Variants in KCNQ3 observed in about 807,000 individuals in gnomAD.
The protein encoded by KCNQ3 is potassium voltage-gated channel subfamily KQT member 3.
KCNQ3 carries 30 observed loss-of-function variants against 92.5 expected under a neutral mutation model. The ratio of observed to expected loss-of-function variants is 0.32; its 90% CI spans 0.24 to 0.44. KCNQ3 has a LOEUF of 0.44. Ranked by LOEUF, KCNQ3 falls within the 20% of genes least tolerant of loss-of-function variation. The probability of loss-of-function intolerance (pLI) is 1.00; values close to 1 mark genes in which losing one functional copy is unlikely to be tolerated. For synonymous variants in KCNQ3, 450 were observed against 468.8 expected (o/e 0.96, Z 0.52); for missense variants, 913 against 1,140.3 (o/e 0.80, Z 2.87).
chr8:132,337,329 T>C (rs371626552), intron 1 of KCNQ3, among the ~76,000 whole-genome samples: 1 of 152,070 alleles, frequency 6.6e-6, no homozygotes, highest in South Asian at 2.1e-4. Flanking sequence ...AAACCCAGTC[T>C]CTATAAAAAT....
chr8:132,336,741 ATCT>A (rs1217184716), intron 1 of KCNQ3, among the ~76,000 whole-genome samples: 1 of 152,226 alleles, frequency 6.6e-6, no homozygotes, highest in Non-Finnish European at 1.5e-5. Flanking sequence ...GGCACCCATC[ATCT>A]TATAATGCCC....
At chr8:132,261,340 C>A (rs1442191736) in intron 1 of KCNQ3, among the ~76,000 whole-genome samples, 1 of 152,170 alleles carries the variant, frequency 6.6e-6, no homozygotes, top group Non-Finnish European at 1.5e-5. Flanking sequence ...GTCAAGGCTG[C>A]GTGCCTCACC....
At chr8:132,203,625 T>C (rs2130268360) in intron 1 of KCNQ3, among the ~76,000 whole-genome samples, 1 of 152,248 alleles carries the variant, frequency 6.6e-6, no homozygotes, top group East Asian at 1.9e-4. Flanking sequence ...AGGGAATGAG[T>C]TTAAATTTTG....
At chr8:132,159,942 C>T (rs1320426620) in intron 9 of KCNQ3, among the ~76,000 whole-genome samples, 1 of 152,248 alleles carries the variant, frequency 6.6e-6, no homozygotes, top group South Asian at 2.1e-4. Context: ...ATGTGTCAGG[C>T]TCTGTTCCAG....
intron 9 of KCNQ3, among the ~76,000 whole-genome samples, chr8:132,157,754 G>C (rs1010391990): frequency 4.6e-5 from 7 of 151,990 alleles, no homozygotes; most frequent in African/African-American, 1.7e-4. Flanking sequence ...GTGGTTTGCT[G>C]TACCTATCAA....
chr8:132,277,617 A>G (rs533415908), intron 1 of KCNQ3, among the ~76,000 whole-genome samples: 8 of 152,308 alleles, frequency 5.3e-5, no homozygotes, highest in Non-Finnish European at 7.3e-5. Context: ...CTACATGTCA[A>G]AAGATATTTT....
intron 1 of KCNQ3, among the ~76,000 whole-genome samples, chr8:132,316,998 A>C (rs1817763312): frequency 6.6e-6 from 1 of 152,228 alleles, no homozygotes; most frequent in Non-Finnish European, 1.5e-5. Flanking sequence ...AGGACAATTT[A>C]CACATCTGTC....
intron 1 of KCNQ3, among the ~76,000 whole-genome samples, chr8:132,398,047 TGGTTTCAGA>T (rs1318322855): frequency 6.6e-6 from 1 of 152,216 alleles, no homozygotes; most frequent in Non-Finnish European, 1.5e-5. Context: ...GGGAAACCAG[TGGTTTCAGA>T]GGCAAACACT....
At chr8:132,422,771 G>C (rs913890454) in intron 1 of KCNQ3, among the ~76,000 whole-genome samples, 1 of 152,130 alleles carries the variant, frequency 6.6e-6, no homozygotes, top group East Asian at 1.9e-4. Context: ...GTCTGCCTCC[G>C]CAACTAGAGA....
chr8:132,317,262 C>A (rs1384516200), intron 1 of KCNQ3, among the ~76,000 whole-genome samples: 1 of 151,340 alleles, frequency 6.6e-6, no homozygotes, highest in East Asian at 1.9e-4. Flanking sequence ...GTGACTCTGA[C>A]CCCATTTGTT....
chr8:132,299,082 G>T (rs1163923918), intron 1 of KCNQ3, among the ~76,000 whole-genome samples: 3 of 148,738 alleles, frequency 2.0e-5, no homozygotes, highest in African/African-American at 7.5e-5. Flanking sequence ...GGCAACCAAG[G>T]TTTTTAGTTT....
chr8:132,307,551 T>C (rs7837201), intron 1 of KCNQ3, among the ~76,000 whole-genome samples: 44,896 of 152,128 alleles, frequency 0.3, 7,693 homozygotes, highest in African/African-American at 0.47. Flanking sequence ...AAAAGAGCCT[T>C]TCTAGATTCA....
chr8:132,171,644 C>T lies in KCNQ3; in HGVS notation c.1140+954G>A, dbSNP rs537778594. Among the ~76,000 whole-genome samples the T allele has an allele frequency of 1.8e-4, 27 of 152,270 alleles. 1 individual carries two copies. In the South Asian group the frequency reaches 4.4e-3, roughly 25 times the overall value. On this transcript the variant is annotated intron_variant, in intron 7 of 14. Transcript: ENST00000388996. ...AATGGGAAAAGTGTTTAATATTTTG[C>T]ACATGTAAGGCATCTCTTTCTCTCT...
At chr8:132,137,799 A>G in intron 12 of KCNQ3, 86 bp downstream of exon 12, 2 of 1,507,018 alleles carry the variant, frequency 1.3e-6, no homozygotes, top group Non-Finnish European at 1.8e-6. Flanking sequence ...TGCATTTTGA[A>G]TTATTTCTGA....
At chr8:132,297,173 G>A (rs1817058763) in intron 1 of KCNQ3, among the ~76,000 whole-genome samples, 1 of 152,112 alleles carries the variant, frequency 6.6e-6, no homozygotes, top group Admixed American at 6.5e-5. Context: ...CTGTTTTTTG[G>A]CTGCATAAAT....
intron 3 of KCNQ3, among the ~76,000 whole-genome samples, chr8:132,182,340 G>A (rs1314095888): frequency 1.3e-5 from 2 of 152,228 alleles, no homozygotes; most frequent in East Asian, 1.9e-4. Context: ...GGCAGGGTCC[G>A]AGGCTGCCTT....
chr8:132,263,017 C>G (rs2896654), intron 1 of KCNQ3, among the ~76,000 whole-genome samples: 12,761 of 152,198 alleles, frequency 0.084, 619 homozygotes, highest in Admixed American at 0.14. Context: ...TCCATGGTTA[C>G]TGGGAGGTAG....
At chr8:132,259,772 A>G (rs1815713344) in intron 1 of KCNQ3, among the ~76,000 whole-genome samples, 1 of 152,182 alleles carries the variant, frequency 6.6e-6, no homozygotes. Flanking sequence ...TCACTAAAAA[A>G]CTATTAGAAC....
chr8:132,409,430 C>A (rs1463228823), intron 1 of KCNQ3, among the ~76,000 whole-genome samples: 1 of 151,916 alleles, frequency 6.6e-6, no homozygotes, highest in Non-Finnish European at 1.5e-5. Context: ...TTAAGTGCCA[C>A]CTCCTTGACC....
Sources: allele counts gnomAD v4.1 joint callset (sites outside exome capture counted in the v4.1 genomes callset), GRCh38; gene constraint gnomAD v4.1.1; transcripts MANE v1.5; gene names NCBI Gene and HGNC (gene_info 2026-07-23, HGNC 2026-07-21).